Variants in PPP2R3A observed in about 807,000 individuals in gnomAD.
The protein encoded by PPP2R3A is protein phosphatase 2 regulatory subunit B''alpha, also known as serine/threonine-protein phosphatase 2A regulatory subunit B'' subunit alpha.
PPP2R3A carries 80 observed loss-of-function variants against 106.9 expected under a neutral mutation model. The ratio of observed to expected loss-of-function variants is 0.75; its 90% CI spans 0.62 to 0.90. The LOEUF (loss-of-function observed/expected upper bound fraction) is 0.90. Among genes scored for constraint, PPP2R3A ranks in the 40% least tolerant of loss-of-function variants. The pLI is 0.00. For missense variants in PPP2R3A, 1,386 were observed against 1,350.4 expected (o/e 1.03, Z -0.41); for synonymous variants, 483 against 468.3 (o/e 1.03, Z -0.41).
chr3:136,099,317 G>C (rs1208633686), intron 10 of PPP2R3A, among the ~76,000 whole-genome samples: 2 of 152,116 alleles, frequency 1.3e-5, no homozygotes, highest in Admixed American at 1.3e-4. Flanking sequence ...CTAGATACCT[G>C]AGTAAAGCCT....
At chr3:136,047,642 C>T in intron 4 of PPP2R3A, among the ~76,000 whole-genome samples, 1 of 152,212 alleles carries the variant, frequency 6.6e-6, no homozygotes, top group East Asian at 1.9e-4. Context: ...TGGCTCACGC[C>T]TGTAATCCCA....
In PPP2R3A at chr3:136,052,082, A is replaced by T. The variant is rs185209312; in HGVS notation, c.2469+2721A>T. Reference sequence around the variant, plus strand: ...ACCATTTTACCTGATAATATCCAACATTAAATATTCCTATGTTTTGTGAAA... The same window carrying T: ...ACCATTTTACCTGATAATATCCAACTTTAAATATTCCTATGTTTTGTGAAA... On this transcript the variant is annotated intron_variant, in intron 5 of 13. Coordinates refer to ENST00000264977, the MANE Select transcript of PPP2R3A (RefSeq NM_002718.5). 2.6e-5 allele frequency among the ~76,000 whole-genome samples: 4 copies of T among 152,352 alleles called. No homozygotes were observed. The East Asian group carries it at 7.7e-4, about 29-fold the overall frequency.
intron 13 of PPP2R3A, among the ~76,000 whole-genome samples, chr3:136,120,961 G>A (rs1937973519): frequency 6.6e-6 from 1 of 152,142 alleles, no homozygotes; most frequent in Non-Finnish European, 1.5e-5. Context: ...AGAGAAAAGG[G>A]AATGCACATA....
At chr3:136,104,946 CT>C (rs1248285162) in intron 12 of PPP2R3A, among the ~76,000 whole-genome samples, 3 of 152,062 alleles carry the variant, frequency 2.0e-5, no homozygotes, top group Non-Finnish European at 4.4e-5. Flanking sequence ...TTAAATTTTA[CT>C]TTTTTTAATA....
intron 13 of PPP2R3A, among the ~76,000 whole-genome samples, chr3:136,140,442 T>TAAAAAAAAA (rs199699500): frequency 5.7e-4 from 50 of 87,234 alleles, no homozygotes; most frequent in African/African-American, 2.4e-3. Flanking sequence ...TGAGACTCTT[T>TAAAAAAAAA]AAAAAAAAAA....
chr3:136,106,951 A>AAAAAAAAAAAAAC (rs1559924142), intron 13 of PPP2R3A: 1 of 123,496 alleles, frequency 8.1e-6, no homozygotes. Context: ...AAAAAAAAAA[A>AAAAAAAAAAAAAC]AAACTAAAGC....
chr3:136,038,674 G>C (rs1055052936), intron 3 of PPP2R3A, among the ~76,000 whole-genome samples: 1 of 152,154 alleles, frequency 6.6e-6, no homozygotes, highest in African/African-American at 2.4e-5. Context: ...TGATACAGAC[G>C]ATTCTTTCCC....
At chr3:136,073,687 C>T (rs1936510832) in intron 6 of PPP2R3A, among the ~76,000 whole-genome samples, 1 of 152,068 alleles carries the variant, frequency 6.6e-6, no homozygotes, top group Non-Finnish European at 1.5e-5. Flanking sequence ...GTGATAAACT[C>T]ACAAAAAGGG....
At chr3:136,087,860 A>G in intron 8 of PPP2R3A, 23 bp from the exon 9 acceptor site, 2 of 1,445,542 alleles carry the variant, frequency 1.4e-6, no homozygotes, top group Non-Finnish European at 9.5e-7. Context: ...TAGCTTTGCA[A>G]TTTTTTTTTT....
chr3:136,106,309 C>G lies in PPP2R3A; in HGVS notation c.3316C>G (p.Gln1106Glu), dbSNP rs1231567580. 6.2e-7 allele frequency: 1 copy of G among 1,613,712 alleles called. No individual in the cohort carries two copies. The highest frequency in any genetic ancestry group is 1.7e-5 in the Admixed American group (1 of 59,984). ...TGTTGCAGAGGAATCTGCCCAAGCA[C>G]AATTCCAGGAAGGGTGAGTAAGTTT... The part of the protein sequence containing the change: ...TLVAEESAQA[Q>E]FQEGFEDYET... The change falls in exon 13 of 14, where the codon CAA (glutamine) becomes GAA (glutamate). Residue 1106 changes from glutamine to glutamate, a missense_variant. Gln to Glu is a conservative substitution (Grantham distance 29). Coordinates refer to ENST00000264977, the MANE Select transcript of PPP2R3A (RefSeq NM_002718.5).
At chr3:136,023,616 G>GTGTATATATATA (rs1934542908) in intron 2 of PPP2R3A, among the ~76,000 whole-genome samples, 1 of 152,122 alleles carries the variant, frequency 6.6e-6, no homozygotes, top group Non-Finnish European at 1.5e-5. Flanking sequence ...ATATTAGCGT[G>GTGTATATATATA]CATACACATC....
chr3:136,015,464 A>G (rs1003549701), intron 2 of PPP2R3A, among the ~76,000 whole-genome samples: 4 of 148,590 alleles, frequency 2.7e-5, no homozygotes, highest in African/African-American at 7.4e-5. Flanking sequence ...TTTGTTGGCA[A>G]TTTTTTTTTA....
At chr3:136,130,000 T>G (rs1042777039) in intron 13 of PPP2R3A, among the ~76,000 whole-genome samples, 4 of 152,190 alleles carry the variant, frequency 2.6e-5, no homozygotes, top group Non-Finnish European at 5.9e-5. Flanking sequence ...AACTAGGTAT[T>G]GATGGAACAT....
intron 6 of PPP2R3A, among the ~76,000 whole-genome samples, chr3:136,076,318 T>G (rs1936593104): frequency 6.6e-6 from 1 of 152,220 alleles, no homozygotes; most frequent in South Asian, 2.1e-4. Context: ...ACATCTACAC[T>G]CTAGTCTTAT....
At chr3:136,132,145 C>T (rs1938452580) in intron 13 of PPP2R3A, among the ~76,000 whole-genome samples, 1 of 151,872 alleles carries the variant, frequency 6.6e-6, no homozygotes. Flanking sequence ...CACATGTACC[C>T]TAGAACTTTA....
rs187190690 is a variant in PPP2R3A, at chr3:136,044,867, C to T, written c.2366+3905C>T. 4.2e-3 allele frequency among the ~76,000 whole-genome samples: 644 copies of T among 152,232 alleles called. 3 individuals are homozygous for T. Among genetic ancestry groups the T allele is most frequent in the Non-Finnish European group, 7.5e-3 (512 of 68,014 alleles). ...CTGTGGACATCTGGGATTCTAGCTG[C>T]AAGAGATCCCACAGCCACCATGGAC... On this transcript the variant is annotated intron_variant, in intron 4 of 13. Transcript: ENST00000264977.
At chr3:136,041,023 C>A in intron 4 of PPP2R3A, 61 bp downstream of exon 4, 1 of 1,397,514 alleles carries the variant, frequency 7.2e-7, no homozygotes, top group Non-Finnish European at 9.9e-7. Flanking sequence ...TCATGACATG[C>A]TTTCTAAAGG....
intron 2 of PPP2R3A, among the ~76,000 whole-genome samples, chr3:136,015,726 TAATGGTCTATC>T (rs1934245798): frequency 1.3e-5 from 2 of 152,094 alleles, no homozygotes; most frequent in South Asian, 4.1e-4. Context: ...TTAATCTCTC[TAATGGTCTATC>T]AATTTTGTTT....
At chr3:136,055,410 C>T in intron 5 of PPP2R3A, 3 of 1,004,494 alleles carry the variant, frequency 3.0e-6, no homozygotes, top group Non-Finnish European at 4.8e-6. Flanking sequence ...TCCCCTGTTG[C>T]TCTCCGAGGT....
Sources: gnomAD v4.1 joint callset for allele counts (sites outside exome capture counted in the v4.1 genomes callset) on GRCh38, gnomAD v4.1.1 for gene constraint, MANE v1.5 for transcripts, NCBI Gene and HGNC (gene_info 2026-07-23, HGNC 2026-07-21) for gene names.